PDE1A: variants seen among roughly 807,000 people sequenced by gnomAD.
PDE1A encodes dual specificity calcium/calmodulin-dependent 3',5'-cyclic nucleotide phosphodiesterase 1A.
In PDE1A, 35 loss-of-function variants were observed where a neutral mutation model predicts 61.7. That is an observed-to-expected ratio of 0.57 (90% CI 0.43 to 0.75). The LOEUF (loss-of-function observed/expected upper bound fraction) is 0.75. PDE1A is among the 30% of genes least tolerant of loss of function. The probability of loss-of-function intolerance (pLI) is 0.00; values close to 1 mark genes in which losing one functional copy is unlikely to be tolerated. For synonymous variants in PDE1A, 232 were observed against 213.2 expected (o/e 1.09, Z -0.77); for missense variants, 597 against 630.6 (o/e 0.95, Z 0.57).
At chr2:182,520,150 T>C (rs1265212273) in intron 2 of PDE1A, among the ~76,000 whole-genome samples, 2 of 151,914 alleles carry the variant, frequency 1.3e-5, no homozygotes, top group African/African-American at 2.4e-5. Flanking sequence ...AGCAATGGAA[T>C]AGGGAGTCCC....
At chr2:182,293,926 C>T (rs1254505457) in intron 1 of PDE1A, among the ~76,000 whole-genome samples, 1 of 152,150 alleles carries the variant, frequency 6.6e-6, no homozygotes, top group African/African-American at 2.4e-5. Flanking sequence ...GAAGGAGGAT[C>T]ACCTGCTTTC....
At chr2:182,636,883 A>AG in the PDE1A span, among the ~76,000 whole-genome samples, 1 of 152,162 alleles carries the variant, frequency 6.6e-6, no homozygotes, top group Non-Finnish European at 1.5e-5. Flanking sequence ...GGCTGTCAGC[A>AG]GGGGGCTGGT....
the PDE1A span, among the ~76,000 whole-genome samples, chr2:182,685,603 C>G: frequency 6.6e-6 from 1 of 152,136 alleles, no homozygotes; most frequent in African/African-American, 2.4e-5. Flanking sequence ...ATTAAAACGC[C>G]TGTCAAAAGT....
chr2:182,209,495 T>C (rs1687397987), intron 7 of PDE1A, among the ~76,000 whole-genome samples: 1 of 151,104 alleles, frequency 6.6e-6, no homozygotes, highest in East Asian at 2.0e-4. Context: ...GAGATTTGGG[T>C]GGGGGACACA....
chr2:182,434,245 T>A (rs1704098849), intron 2 of PDE1A, among the ~76,000 whole-genome samples: 1 of 152,148 alleles, frequency 6.6e-6, no homozygotes, highest in Admixed American at 6.6e-5. Flanking sequence ...TCTCTTGTAA[T>A]GCTTCAAAAC....
intron 1 of PDE1A, among the ~76,000 whole-genome samples, chr2:182,394,636 T>G (rs1468271790): frequency 1.3e-5 from 2 of 152,178 alleles, no homozygotes; most frequent in Non-Finnish European, 2.9e-5. Flanking sequence ...GTAGGGTTTG[T>G]GAATGTCAGG....
At chr2:182,541,426 G>T in the PDE1A span, among the ~76,000 whole-genome samples, 5 of 152,248 alleles carry the variant, frequency 3.3e-5, no homozygotes, top group Admixed American at 3.3e-4. Context: ...TCAGTAACCT[G>T]GCAGAAACTG....
the PDE1A span, among the ~76,000 whole-genome samples, chr2:182,689,481 G>A: frequency 5.0e-3 from 759 of 152,162 alleles, 12 homozygotes; most frequent in African/African-American, 0.018. Flanking sequence ...TGAAACCAAC[G>A]AGAACAAAGA....
intron 2 of PDE1A, among the ~76,000 whole-genome samples, chr2:182,510,954 CTG>C (rs1424959492): frequency 4.6e-5 from 7 of 152,136 alleles, no homozygotes; most frequent in Non-Finnish European, 7.4e-5. Flanking sequence ...CAACCCTACT[CTG>C]TGCATTGATT....
intron 7 of PDE1A, among the ~76,000 whole-genome samples, chr2:182,207,929 T>C (rs1422071078): frequency 2.6e-5 from 4 of 152,232 alleles, no homozygotes; most frequent in Non-Finnish European, 4.4e-5. Flanking sequence ...GCCCCAAGCC[T>C]TGGTGGCTTC....
At chr2:182,682,112 T>C in the PDE1A span, among the ~76,000 whole-genome samples, 1 of 152,342 alleles carries the variant, frequency 6.6e-6, no homozygotes, top group East Asian at 1.9e-4. Flanking sequence ...TTTTGTGGAG[T>C]TTCTGACTGT....
At chr2:182,709,730 TG>T in the PDE1A span, among the ~76,000 whole-genome samples, 1 of 152,182 alleles carries the variant, frequency 6.6e-6, no homozygotes, top group African/African-American at 2.4e-5. Flanking sequence ...GCTGTTGTAT[TG>T]AGTTTTGATT....
At chr2:182,307,074 A>G (rs1170422242) in intron 1 of PDE1A, among the ~76,000 whole-genome samples, 1 of 152,232 alleles carries the variant, frequency 6.6e-6, no homozygotes, top group Non-Finnish European at 1.5e-5. Context: ...TATGTATAAT[A>G]TAAAAGGAAA....
At chr2:182,174,482 CTG>C (rs1692542820) in intron 13 of PDE1A, among the ~76,000 whole-genome samples, 1 of 152,044 alleles carries the variant, frequency 6.6e-6, no homozygotes, top group Non-Finnish European at 1.5e-5. Flanking sequence ...AAGAGAAACT[CTG>C]AGAGTCAATC....
chr2:182,279,086 A>AC (rs994303332), intron 1 of PDE1A, among the ~76,000 whole-genome samples: 1 of 151,932 alleles, frequency 6.6e-6, no homozygotes, highest in African/African-American at 2.4e-5. Flanking sequence ...CAAAACAATA[A>AC]CCAAGGTATA....
the PDE1A span, among the ~76,000 whole-genome samples, chr2:182,577,349 T>A: frequency 2.6e-5 from 4 of 152,208 alleles, no homozygotes; most frequent in African/African-American, 9.6e-5. Context: ...AAACTTTCTG[T>A]CCCATCCTGA....
chr2:182,645,770 T>C, the PDE1A span, among the ~76,000 whole-genome samples: 1 of 152,160 alleles, frequency 6.6e-6, no homozygotes, highest in Non-Finnish European at 1.5e-5. Flanking sequence ...ACAACATAAC[T>C]GTTAATTTGA....
intron 2 of PDE1A, among the ~76,000 whole-genome samples, chr2:182,242,926 C>CGTGTGTGTGTGTGT (rs10529301): frequency 3.1e-5 from 1 of 31,786 alleles, no homozygotes; most frequent in Non-Finnish European, 6.2e-5. Context: ...CTCTCTCTCT[C>CGTGTGTGTGTGTGT]GTGTGTGTAT....
chr2:182,499,173 G>GTT lies in PDE1A; in HGVS notation c.101+23101_101+23102dup, dbSNP rs545033513. On this transcript the variant is annotated intron_variant, in intron 2 of 14. Coordinates refer to the PDE1A transcript ENST00000410103. ...AGGCTATTTTCTTTCTCTTTTTCTTGTTTTTTTTTTTTTTTTTTTTTGAGA... is the reference window on the plus strand; with the variant it reads ...AGGCTATTTTCTTTCTCTTTTTCTTGTTTTTTTTTTTTTTTTTTTTTTTGAGA... Among the ~76,000 whole-genome samples the GTT allele has an allele frequency of 5.8e-3, 449 of 77,312 alleles. 23 individuals are homozygous for GTT. Among genetic ancestry groups the GTT allele is most frequent in the Non-Finnish European group, 6.6e-3 (294 of 44,260 alleles). The allele number at this position is 77,312 out of a possible 152,430, so 50.7% of individuals were successfully genotyped here. A position where few individuals can be genotyped will look rare whatever the true frequency, so the allele number is the denominator to read the frequency against.
Sources: allele counts gnomAD v4.1 joint callset (sites outside exome capture counted in the v4.1 genomes callset), GRCh38; gene constraint gnomAD v4.1.1; transcripts MANE v1.5; gene names NCBI Gene and HGNC (gene_info 2026-07-23, HGNC 2026-07-21).